GTF3C2: variants seen among roughly 807,000 people sequenced by gnomAD.
GTF3C2 encodes general transcription factor IIIC subunit 2.
A neutral mutation model predicts 117.4 loss-of-function variants in GTF3C2; 17 were observed. That is an observed-to-expected ratio of 0.14 (90% CI 0.10 to 0.22). The LOEUF (loss-of-function observed/expected upper bound fraction) is 0.22. GTF3C2 is among the 10% of genes least tolerant of loss of function. The pLI is 1.00. For synonymous variants in GTF3C2, 437 were observed against 427.0 expected (o/e 1.02, Z -0.29); for missense variants, 888 against 1,143.6 (o/e 0.78, Z 3.22).
intron 4 of GTF3C2, chr2:27,341,724 CAG>C: frequency 1.8e-6 from 1 of 545,148 alleles, no homozygotes; most frequent in East Asian, 3.0e-5. Context: ...TGTTTCCTAA[CAG>C]AGAACAGATA....
Position 27,327,290 on chromosome 2 carries a change from G to C in GTF3C2, c.2410-6C>G, listed in dbSNP as rs1240567496. On this transcript the variant is annotated splice_polypyrimidine_tract_variant and splice_region_variant and intron_variant, in intron 17 of 18. Coordinates refer to ENST00000264720, the Ensembl canonical transcript of GTF3C2. Reference sequence around the variant, plus strand: ...AGCAGATCATGGAATGAACCCTGGGGAAGGGAAATGGAATAGGAGAGAGAA... The same window carrying C: ...AGCAGATCATGGAATGAACCCTGGGCAAGGGAAATGGAATAGGAGAGAGAA... 6.8e-7 allele frequency: 1 copy of C among 1,460,886 alleles called. No individual in the cohort carries two copies. The highest frequency in any genetic ancestry group is 9.6e-7 in the Non-Finnish European group (1 of 1,046,502). 90.5% of individuals were successfully genotyped at this position (1,460,886 alleles called of 1,614,324 possible). A position where few individuals can be genotyped will look rare whatever the true frequency, so the allele number is the denominator to read the frequency against.
exon 19 of GTF3C2, chr2:27,326,130 T>A (rs1572559439): frequency 2.2e-6 from 1 of 452,716 alleles, no homozygotes; most frequent in East Asian, 6.9e-5. Flanking sequence ...CGGTAGGGTG[T>A]CTGTGGTATT....
At chr2:27,336,967 G>A (rs1680505165) in intron 7 of GTF3C2, among the ~76,000 whole-genome samples, 1 of 152,156 alleles carries the variant, frequency 6.6e-6, no homozygotes, top group African/African-American at 2.4e-5. Context: ...GCATACTATA[G>A]TAGTCTCCCT....
exon 17 of GTF3C2, chr2:27,328,106 G>A (rs1332110302): frequency 6.2e-7 from 1 of 1,610,324 alleles, no homozygotes; most frequent in Non-Finnish European, 8.5e-7. Context: ...CCTTAGGAGG[G>A]TTGGGGACCC....
intron 1 of GTF3C2, among the ~76,000 whole-genome samples, chr2:27,353,381 CAA>C (rs534971452): frequency 8.8e-4 from 108 of 123,024 alleles, no homozygotes; most frequent in Middle Eastern, 5.0e-3. Context: ...GACTCCGTCT[CAA>C]AAAAAAAAAA....
intron 1 of GTF3C2, among the ~76,000 whole-genome samples, chr2:27,353,463 G>C (rs902901904): frequency 6.6e-6 from 1 of 151,584 alleles, no homozygotes; most frequent in Non-Finnish European, 1.5e-5. Flanking sequence ...TTTTGAGACA[G>C]AGTCACGCTC....
chr2:27,348,673 AC>A (rs1315590894), intron 1 of GTF3C2, among the ~76,000 whole-genome samples: 1 of 151,776 alleles, frequency 6.6e-6, no homozygotes, highest in Admixed American at 6.6e-5. Flanking sequence ...GCATGGTGGC[AC>A]AAGCCTGTGA....
intron 1 of GTF3C2, among the ~76,000 whole-genome samples, chr2:27,352,253 T>C (rs571825114): frequency 1.3e-5 from 2 of 152,342 alleles, no homozygotes; most frequent in South Asian, 2.1e-4. Flanking sequence ...TGAATCTAAG[T>C]TGCTGAGCAC....
chr2:27,329,224 G>A lies in GTF3C2; in HGVS notation c.1936C>T (p.Pro646Ser), dbSNP rs1219190287. 1.9e-6 allele frequency: 3 copies of A among 1,614,006 alleles called. No individual in the cohort carries two copies. The highest frequency in any genetic ancestry group is 2.7e-5 in the African/African-American group (2 of 74,920). ...TTGATAGAGTTTATGGGTTCGTAAG[G>A]ACGTCGAAGGTCCCAGAATTTGATT... The change falls in exon 14 of 19, where the codon CCT becomes TCT. Residue 646 changes from proline (P) to serine (S), a missense_variant. Around this residue, in one of 7 missense-constraint regions of GTF3C2, gnomAD observed 277 missense variants for 445.4 expected, o/e 0.62. Coordinates refer to ENST00000264720, the Ensembl canonical transcript of GTF3C2. This position sits in a 1 kb window ranked among gnomAD's most constrained non-coding sequence, Gnocchi z 4.5.
chr2:27,340,250 T>G (rs1206850194), intron 4 of GTF3C2: 2 of 152,008 alleles, frequency 1.3e-5, no homozygotes. Flanking sequence ...CTTACATATC[T>G]CTTCTTTTTT....
intron 1 of GTF3C2, chr2:27,356,273 C>G (rs946486394): frequency 4.9e-6 from 2 of 410,832 alleles, no homozygotes; most frequent in Non-Finnish European, 9.6e-6. Flanking sequence ...AGAGCCTCCT[C>G]GAGGAAGAGG....
intron 17 of GTF3C2, 146 bp downstream of exon 17, chr2:27,327,891 G>A (rs1178458842): frequency 1.7e-5 from 10 of 603,962 alleles, no homozygotes; most frequent in Non-Finnish European, 2.8e-5. Context: ...CCCCCAAACT[G>A]CTGGGATTAC....
chr2:27,328,134 T>C (rs1292689836), exon 17 of GTF3C2: 1 of 1,608,626 alleles, frequency 6.2e-7, no homozygotes, highest in Non-Finnish European at 8.5e-7. Context: ...AGCAGAAGAA[T>C]GGTCTGGACC....
chr2:27,348,986 G>A (rs1681021126), intron 1 of GTF3C2, among the ~76,000 whole-genome samples: 1 of 151,624 alleles, frequency 6.6e-6, no homozygotes, highest in African/African-American at 2.4e-5. Context: ...ACAGGCGGCC[G>A]CCACCACACC....
chr2:27,343,530 C>G lies in GTF3C2; in HGVS notation c.25G>C (p.Val9Leu), dbSNP rs755767544. 7 of 1,613,880 alleles carry G rather than the reference C, an allele frequency of 4.3e-6. No individual in the cohort carries two copies. In the Admixed American group the frequency reaches 8.3e-5, roughly 19 times the overall value. ...ACGGGGCCGGCCTCCCCCAGGGCAA[C>G]ATAGCCGACCCCGCAGGTATCCATC... Residue 9 changes from valine to leucine, a missense_variant, in exon 2 of 19, where the codon GTT becomes CTT. Physicochemically the swap from Val to Leu is conservative, Grantham distance 32. Around this residue, in one of 7 missense-constraint regions of GTF3C2, gnomAD observed 393 missense variants for 401.5 expected, o/e 0.98. Transcript: ENST00000264720.
intron 1 of GTF3C2, among the ~76,000 whole-genome samples, chr2:27,351,210 G>C (rs1393764775): frequency 2.0e-5 from 3 of 152,086 alleles, no homozygotes; most frequent in Admixed American, 2.0e-4. Flanking sequence ...TCAGGAGTTT[G>C]AGACCAGCTT....
chr2:27,345,917 G>T (rs2148320903), intron 1 of GTF3C2, among the ~76,000 whole-genome samples: 1 of 150,926 alleles, frequency 6.6e-6, no homozygotes, highest in African/African-American at 2.4e-5. Flanking sequence ...GTTTCACCAT[G>T]TTGACCAGGC....
At chr2:27,335,442 GAACA>G in intron 10 of GTF3C2, 152 bp downstream of exon 10, 1 of 714,898 alleles carries the variant, frequency 1.4e-6, no homozygotes, top group Admixed American at 2.0e-5. Flanking sequence ...GAGGGCTCAA[GAACA>G]AACCTGAGTC....
rs751094396 is a variant in GTF3C2, at chr2:27,328,145, T to G, written c.2301A>C (p.Glu767Asp). The G allele has an allele frequency of 2.8e-5, 45 of 1,605,622 alleles. No homozygotes were observed. The South Asian group carries it at 5.0e-4, about 18-fold the overall frequency. Residue 767 changes from glutamate (E) to aspartate (D), a missense_variant, in exon 17 of 19, where the codon GAA (glutamate) becomes GAC (aspartate). This residue lies in a region of GTF3C2 where 129 missense variants were observed against 156.0 expected (regional missense o/e 0.83). Transcript: ENST00000264720. ...ATGAAGCAGAAGAATGGTCTGGACC[T>G]TCAGGACTGTCCTGATACGGTATCA... is the stretch of plus-strand genomic sequence containing the variant.
Sources: gnomAD v4.1 joint callset for allele counts (sites outside exome capture counted in the v4.1 genomes callset) on GRCh38, gnomAD v4.1.1 for gene constraint, gnomAD v4.1.1 regional missense constraint, Gnocchi (gnomAD v3.1) non-coding constraint, MANE v1.5 for transcripts, NCBI Gene and HGNC (gene_info 2026-07-23, HGNC 2026-07-21) for gene names.